The following SPAG16 variants were observed in gnomAD, a reference collection of about 807,000 sequenced individuals.
The protein encoded by SPAG16 is sperm associated antigen 16, also known as sperm-associated antigen 16 protein.
In SPAG16, 86 loss-of-function variants were observed where a neutral mutation model predicts 80.4. That is an observed-to-expected ratio of 1.07 (90% CI 0.90 to 1.28). The LOEUF (loss-of-function observed/expected upper bound fraction) is 1.28. Ranked by LOEUF, SPAG16 falls within the 50% of genes most tolerant of loss-of-function variation. The pLI is 0.00. For missense variants in SPAG16, 870 were observed against 765.3 expected, an observed-to-expected ratio of 1.14 and a Z score of -1.61; for synonymous variants, 294 against 265.9, an observed-to-expected ratio of 1.11 and a Z score of -1.03.
chr2:213,354,715 T>C (rs1386642179), intron 7 of SPAG16, among the ~76,000 whole-genome samples: 1 of 150,876 alleles, frequency 6.6e-6, no homozygotes, highest in African/African-American at 2.4e-5. Context: ...ATATACTTTG[T>C]TTTTTTCTTG....
intron 10 of SPAG16, among the ~76,000 whole-genome samples, chr2:213,616,794 G>T (rs1220699020): frequency 2.0e-5 from 3 of 152,094 alleles, no homozygotes; most frequent in Non-Finnish European, 4.4e-5. Context: ...TTCAGTTAAG[G>T]TACTCTGTCT....
chr2:213,421,647 A>T (rs548210988), intron 9 of SPAG16, among the ~76,000 whole-genome samples: 154 of 152,344 alleles, frequency 1.0e-3, no homozygotes, highest in African/African-American at 3.6e-3. Flanking sequence ...CCCAAGGACC[A>T]ATCAGCACGT....
At chr2:214,238,216 C>G (rs1160816380) in intron 15 of SPAG16, 1 of 430,600 alleles carries the variant, frequency 2.3e-6, no homozygotes, top group East Asian at 7.3e-5. Flanking sequence ...ATTGAAGTTG[C>G]CAATGGTAGG....
At chr2:213,844,979 T>C (rs2074541225) in intron 10 of SPAG16, among the ~76,000 whole-genome samples, 1 of 152,168 alleles carries the variant, frequency 6.6e-6, no homozygotes, top group Non-Finnish European at 1.5e-5. Context: ...ATTCAACATT[T>C]TTCACAATGC....
chr2:214,163,386 T>C (rs2056525493), intron 15 of SPAG16, among the ~76,000 whole-genome samples: 1 of 151,996 alleles, frequency 6.6e-6, no homozygotes. Context: ...ATCTGATATT[T>C]ATATTTTTGA....
At chr2:214,068,932 G>T (rs2050654354) in intron 13 of SPAG16, among the ~76,000 whole-genome samples, 1 of 151,976 alleles carries the variant, frequency 6.6e-6, no homozygotes, top group African/African-American at 2.4e-5. Flanking sequence ...TCCCTAAGAA[G>T]TAAAGGTCAA....
At chr2:213,978,419 C>T (rs975105522) in intron 12 of SPAG16, among the ~76,000 whole-genome samples, 5 of 152,094 alleles carry the variant, frequency 3.3e-5, no homozygotes, top group African/African-American at 9.7e-5. Context: ...GCCTCCTCAA[C>T]GTCAAAACTT....
intron 13 of SPAG16, among the ~76,000 whole-genome samples, chr2:214,070,527 A>T (rs1371335153): frequency 1.3e-5 from 2 of 151,996 alleles, no homozygotes; most frequent in African/African-American, 4.8e-5. Context: ...TTTTTTTTCT[A>T]GTCGGTTCCA....
intron 13 of SPAG16, among the ~76,000 whole-genome samples, chr2:214,064,225 G>C (rs144618774): frequency 6.6e-6 from 1 of 151,998 alleles, no homozygotes; most frequent in Non-Finnish European, 1.5e-5. Context: ...AATTAATTGC[G>C]TCTGTCTAGA....
At chr2:213,829,679 T>C (rs1306244491) in intron 10 of SPAG16, among the ~76,000 whole-genome samples, 1 of 152,148 alleles carries the variant, frequency 6.6e-6, no homozygotes, top group Non-Finnish European at 1.5e-5. Flanking sequence ...TTACTGCTGC[T>C]GAATATTTAG....
At chr2:213,700,573 C>G (rs2065361960) in intron 10 of SPAG16, among the ~76,000 whole-genome samples, 1 of 152,130 alleles carries the variant, frequency 6.6e-6, no homozygotes, top group Admixed American at 6.5e-5. Flanking sequence ...GATAATCATG[C>G]TATGAAGCTT....
chr2:213,531,823 A>G (rs1371285012), intron 10 of SPAG16, among the ~76,000 whole-genome samples: 1 of 152,156 alleles, frequency 6.6e-6, no homozygotes, highest in Non-Finnish European at 1.5e-5. Context: ...ACACAATCAT[A>G]TGAATATGAA....
At chr2:213,530,849 A>G (rs987111249) in intron 10 of SPAG16, among the ~76,000 whole-genome samples, 13 of 151,390 alleles carry the variant, frequency 8.6e-5, no homozygotes, top group Admixed American at 7.2e-4. Context: ...CTGCTGTTTC[A>G]ACCTTTTTTT....
chr2:214,259,452 T>G (rs1170389110), intron 15 of SPAG16, among the ~76,000 whole-genome samples: 1 of 145,630 alleles, frequency 6.9e-6, no homozygotes, highest in East Asian at 2.0e-4. Flanking sequence ...TAGAAATAAA[T>G]GCGTACACAC....
chr2:214,289,838 G>C (rs886435865), intron 15 of SPAG16, among the ~76,000 whole-genome samples: 3 of 152,090 alleles, frequency 2.0e-5, no homozygotes, highest in African/African-American at 7.2e-5. Context: ...TAACAAAATT[G>C]AGTTTCCCAA....
At chr2:213,673,803 A>C (rs994803645) in intron 10 of SPAG16, among the ~76,000 whole-genome samples, 1 of 152,124 alleles carries the variant, frequency 6.6e-6, no homozygotes. Context: ...ATTACAAACA[A>C]CAAAAAAAAA....
At chr2:213,660,818 GC>G (rs1256104608) in intron 10 of SPAG16, among the ~76,000 whole-genome samples, 3 of 152,182 alleles carry the variant, frequency 2.0e-5, no homozygotes, top group South Asian at 2.1e-4. Context: ...CAAAAGAAAT[GC>G]TAAACCATTA....
At chr2:213,755,377 T>C (rs949456877) in intron 10 of SPAG16, among the ~76,000 whole-genome samples, 1 of 152,156 alleles carries the variant, frequency 6.6e-6, no homozygotes, top group Non-Finnish European at 1.5e-5. Flanking sequence ...TAGGTGTCTG[T>C]GTAATGGAAT....
At chr2:214,266,348 G>A (rs1164980498) in intron 15 of SPAG16, among the ~76,000 whole-genome samples, 2 of 151,874 alleles carry the variant, frequency 1.3e-5, no homozygotes, top group Non-Finnish European at 2.9e-5. Context: ...TGAATGATTT[G>A]CATGGAAGTT....
Sources: gnomAD v4.1 joint callset for allele counts (sites outside exome capture counted in the v4.1 genomes callset) on GRCh38, gnomAD v4.1.1 for gene constraint, MANE v1.5 for transcripts, NCBI Gene and HGNC (gene_info 2026-07-23, HGNC 2026-07-21) for gene names.